The following MROH9 variants were observed in gnomAD, a reference collection of about 807,000 sequenced individuals.
The protein encoded by MROH9 is maestro heat like repeat family member 9, also known as maestro heat-like repeat-containing protein family member 9.
In MROH9, 92 loss-of-function variants were observed where a neutral mutation model predicts 98.2. The observed-to-expected ratio is 0.94, with a 90% CI of 0.79 to 1.11. The LOEUF is 1.11. Among genes scored for constraint, MROH9 ranks in the 50% most tolerant of loss-of-function variants. MROH9 has a pLI of 0.00. For missense variants in MROH9, 1,057 were observed against 1,014.8 expected, an observed-to-expected ratio of 1.04 and a Z score of -0.57; for synonymous variants, 397 against 368.9, an observed-to-expected ratio of 1.08 and a Z score of -0.87.
chr1:170,957,662 G>GA (rs759323801), intron 3 of MROH9, among the ~76,000 whole-genome samples: 2 of 151,864 alleles, frequency 1.3e-5, no homozygotes, highest in African/African-American at 4.8e-5. Flanking sequence ...CAGTTTCTTG[G>GA]AAAAAAAGAA....
Position 171,016,277 on chromosome 1 carries a change from A to G in MROH9, c.1849A>G (p.Lys617Glu). ...TAGAAGGCTTTTAAACGAACTGGAC[A>G]AAGTGACCTACTCTTTGGGTACCAG... The part of the protein sequence containing the change: ...TLRRLLNELD[K>E]VTYSLGTRIG... Residue 617 changes from lysine (K) to glutamate (E), a missense_variant, in exon 17 of 22, where the codon AAA becomes GAA. By Grantham distance (56) the Lys-to-Glu change is moderately conservative (BLOSUM62 1). Coordinates refer to ENST00000367759, the MANE Select transcript of MROH9 (RefSeq NM_001163629.2). 6.5e-7 allele frequency: 1 copy of G among 1,538,674 alleles called. No homozygotes were observed. Among genetic ancestry groups the G allele is most frequent in the South Asian group, 1.2e-5 (1 of 81,470 alleles).
intron 20 of MROH9, among the ~76,000 whole-genome samples, chr1:171,047,787 T>C (rs1653512010): frequency 6.6e-6 from 1 of 152,160 alleles, no homozygotes; most frequent in South Asian, 2.1e-4. Flanking sequence ...TGGGCTTATT[T>C]ATAGCTGTCC....
chr1:171,024,352 A>G, intron 17 of MROH9, 43 bp from the exon 18 acceptor site: 1 of 1,519,092 alleles, frequency 6.6e-7, no homozygotes, highest in South Asian at 1.2e-5. Flanking sequence ...TTGAAGAAAA[A>G]AGCCCTAATA....
chr1:170,994,369 A>T (rs991429353), intron 12 of MROH9, among the ~76,000 whole-genome samples: 2 of 152,204 alleles, frequency 1.3e-5, no homozygotes, highest in Non-Finnish European at 2.9e-5. Flanking sequence ...TTGGAAAAGT[A>T]CATATGTTAT....
At chr1:170,985,162 C>A (rs2101801423) in intron 9 of MROH9, among the ~76,000 whole-genome samples, 1 of 152,014 alleles carries the variant, frequency 6.6e-6, no homozygotes, top group South Asian at 2.1e-4. Flanking sequence ...TATGTTCATA[C>A]CAAATAAACT....
chr1:171,040,460 G>A (rs1023654945), intron 20 of MROH9, among the ~76,000 whole-genome samples: 5 of 152,070 alleles, frequency 3.3e-5, no homozygotes, highest in Admixed American at 6.6e-5. Flanking sequence ...TGATAGATAC[G>A]TTAACTTGCT....
chr1:171,020,734 A>G (rs1034699789), intron 17 of MROH9, among the ~76,000 whole-genome samples: 1 of 152,154 alleles, frequency 6.6e-6, no homozygotes, highest in African/African-American at 2.4e-5. Flanking sequence ...CACCACTCCT[A>G]TGCATCATAG....
At chr1:171,050,589 C>A (rs1169791568) in intron 20 of MROH9, among the ~76,000 whole-genome samples, 1 of 148,932 alleles carries the variant, frequency 6.7e-6, no homozygotes, top group Non-Finnish European at 1.5e-5. Flanking sequence ...GGGTTTTCTG[C>A]ATGTAACATC....
At chr1:171,011,518 C>G (rs899143634) in intron 15 of MROH9, among the ~76,000 whole-genome samples, 16 of 151,916 alleles carry the variant, frequency 1.1e-4, no homozygotes, top group African/African-American at 3.6e-4. Flanking sequence ...TATATTTTTC[C>G]AGAAAATAAT....
rs116273148 is a variant in MROH9 at position 170,941,078 on chromosome 1, C to A, written c.-37-4442C>A. On this transcript the variant is annotated intron_variant, in intron 1 of 21. Transcript: ENST00000367759. ...CTGTTAGAAGGACCTGAGCTACACTCCATTGATCTCCTGACCTCCCTAGTT... is the reference window on the plus strand; with the variant it reads ...CTGTTAGAAGGACCTGAGCTACACTACATTGATCTCCTGACCTCCCTAGTT... 5.4e-3 allele frequency among the ~76,000 whole-genome samples: 825 copies of A among 152,304 alleles called. 4 individuals are homozygous for A. Among genetic ancestry groups the A allele is most frequent in the Non-Finnish European group, 8.2e-3 (559 of 68,026 alleles).
intron 20 of MROH9, among the ~76,000 whole-genome samples, chr1:171,038,262 T>C (rs1425604036): frequency 6.6e-6 from 1 of 152,160 alleles, no homozygotes; most frequent in Non-Finnish European, 1.5e-5. Flanking sequence ...ATTTGGCTCT[T>C]AAGCATTAAA....
chr1:171,063,784 A>G (rs1462864308), intron 21 of MROH9, among the ~76,000 whole-genome samples: 1 of 152,212 alleles, frequency 6.6e-6, no homozygotes, highest in Non-Finnish European at 1.5e-5. Context: ...ATTATGACCA[A>G]TATGAACCTC....
In MROH9 at chr1:170,970,731, T is replaced by TGTGAGA. The variant is rs1491154307; in HGVS notation, c.481-1016_481-1015insTGAGAG. Among the ~76,000 whole-genome samples the TGTGAGA allele has an allele frequency of 4.6e-3, 422 of 90,826 alleles. 2 individuals are homozygous for TGTGAGA. Among genetic ancestry groups the TGTGAGA allele is most frequent in the African/African-American group, 0.011 (254 of 23,128 alleles). The allele number at this position is 90,826 out of a possible 152,430, so 59.6% of individuals were successfully genotyped here. On this transcript the variant is annotated intron_variant, in intron 7 of 21. Coordinates refer to ENST00000367759, the MANE Select transcript of MROH9 (RefSeq NM_001163629.2). ...GTGTGTGTGTGTGTGTGTGTGTGTG[T>TGTGAGA]GAGAGAGAGAGAGAGAGAGAGAGAG...
At chr1:171,020,700 G>A (rs1652487689) in intron 17 of MROH9, among the ~76,000 whole-genome samples, 1 of 152,120 alleles carries the variant, frequency 6.6e-6, no homozygotes, top group African/African-American at 2.4e-5. Flanking sequence ...TTGAAAACCA[G>A]CACAAGACAA....
At chr1:171,000,064 T>C (rs1232623100) in intron 15 of MROH9, among the ~76,000 whole-genome samples, 1 of 152,190 alleles carries the variant, frequency 6.6e-6, no homozygotes, top group Non-Finnish European at 1.5e-5. Flanking sequence ...TTTGAGTTCA[T>C]TGTAGACCCT....
At chr1:170,966,192 C>A (rs1650230520) in intron 7 of MROH9, among the ~76,000 whole-genome samples, 1 of 152,040 alleles carries the variant, frequency 6.6e-6, no homozygotes, top group Admixed American at 6.6e-5. Context: ...GTGCCCATTT[C>A]CCCACACCTT....
chr1:170,938,852 T>G (rs1649002893), intron 1 of MROH9, among the ~76,000 whole-genome samples: 1 of 152,220 alleles, frequency 6.6e-6, no homozygotes, highest in African/African-American at 2.4e-5. Flanking sequence ...AAGGACTCAG[T>G]GTTTTTCTCT....
chr1:170,990,172 G>A (rs1194636273), intron 11 of MROH9, among the ~76,000 whole-genome samples, 169 bp downstream of exon 11: 1 of 152,112 alleles, frequency 6.6e-6, no homozygotes, highest in East Asian at 1.9e-4. Flanking sequence ...ACTCAGATAA[G>A]ATCATATGTG....
chr1:170,982,423 G>A (rs1650969889), intron 8 of MROH9, among the ~76,000 whole-genome samples: 1 of 152,186 alleles, frequency 6.6e-6, no homozygotes, highest in African/African-American at 2.4e-5. Flanking sequence ...ATGACAAGAA[G>A]TGGATAAGTG....
Sources: gnomAD v4.1 joint callset for allele counts (sites outside exome capture counted in the v4.1 genomes callset) on GRCh38, gnomAD v4.1.1 for gene constraint, MANE v1.5 for transcripts, NCBI Gene and HGNC (gene_info 2026-07-23, HGNC 2026-07-21) for gene names.